The following JAKMIP1 variants were observed in gnomAD, a reference collection of about 807,000 sequenced individuals.
The protein encoded by JAKMIP1 is janus kinase and microtubule-interacting protein 1.
Under a neutral mutation model 113.0 loss-of-function variants are expected in JAKMIP1, and 33 were observed. The ratio of observed to expected loss-of-function variants is 0.29; its 90% CI spans 0.22 to 0.39. The LOEUF is 0.39. Among genes scored for constraint, JAKMIP1 ranks in the 10% least tolerant of loss-of-function variants. JAKMIP1 has a pLI of 1.00. For missense variants in JAKMIP1, 813 were observed against 1,080.5 expected (o/e 0.75, Z 3.47); for synonymous variants, 480 against 459.9 (o/e 1.04, Z -0.56).
In JAKMIP1 at chr4:6,036,041, C is replaced by T. The variant is rs1444763337; in HGVS notation, c.2242G>A (p.Glu748Lys). ...LQQEPGRRAG[E>K]ALSEGQREDL... The stretch of plus-strand genomic sequence containing the variant: ...TCCCGCTGGCCCTCGCTCAGCGCCT[C>T]ACCGGCCCTCCGCCCCGGCTCCTGC... Residue 748 changes from glutamate (E) to lysine (K), a missense_variant, in exon 19 of 21, where the codon GAG becomes AAG. By Grantham distance (56) the Glu-to-Lys change is moderately conservative (BLOSUM62 1). This residue lies in a region of JAKMIP1 where 273 missense variants were observed against 426.6 expected (regional missense o/e 0.64). Coordinates refer to ENST00000409021, the MANE Select transcript of JAKMIP1 (RefSeq NM_001099433.2). The T allele has an allele frequency of 1.3e-6, 2 of 1,555,092 alleles. No homozygotes were observed. Among genetic ancestry groups the T allele is most frequent in the Non-Finnish European group, 8.7e-7 (1 of 1,148,948 alleles).
In JAKMIP1 at chr4:6,150,853, T is replaced by C. The variant is rs148939498; in HGVS notation, c.-147-37856A>G. On this transcript the variant is annotated intron_variant, in intron 1 of 20. Transcript: ENST00000409021. This position sits in a 1 kb window ranked among gnomAD's most constrained non-coding sequence, Gnocchi z 4.8. ...CCACTTGAGCAAGACAGTAATAATG[T>C]CTGCCACCGGAAGACACCCAGTGCA... 7.8e-3 allele frequency among the ~76,000 whole-genome samples: 1,191 copies of C among 152,274 alleles called. 20 individuals are homozygous for C. Among genetic ancestry groups the C allele is most frequent in the African/African-American group, 0.027 (1,117 of 41,534 alleles).
In JAKMIP1 at chr4:6,139,981, G is replaced by C. The variant is rs540082393; in HGVS notation, c.-147-26984C>G. Among the ~76,000 whole-genome samples the C allele has an allele frequency of 8.1e-4, 124 of 152,196 alleles. 1 individual carries two copies. Among genetic ancestry groups the C allele is most frequent in the Middle Eastern group, 3.4e-3 (1 of 294 alleles). ...CGCAGCCTCAGATGGGGTCAACCCT[G>C]CCCACGCCTGGATCTCAGACTTCCA... is the stretch of plus-strand genomic sequence containing the variant. On this transcript the variant is annotated intron_variant, in intron 1 of 20. Transcript: ENST00000409021. This position sits in a 1 kb window ranked among gnomAD's most constrained non-coding sequence, Gnocchi z 5.2.
At chr4:6,148,827 A>G (rs1721200955) in intron 1 of JAKMIP1, among the ~76,000 whole-genome samples, 1 of 152,384 alleles carries the variant, frequency 6.6e-6, no homozygotes, top group African/African-American at 2.4e-5. Context: ...CTGGCCTAGA[A>G]GAAGCCCCCG....
rs987066763 is a variant in JAKMIP1, at chr4:6,167,310, C to T, written c.-148+32943G>A. Reference sequence around the variant, plus strand: ...GGACTTCATCTTTCATGTGGCTCCTCCTCCCCCTGACAGTGGCCCTTGTCT... The same window carrying T: ...GGACTTCATCTTTCATGTGGCTCCTTCTCCCCCTGACAGTGGCCCTTGTCT... On this transcript the variant is annotated intron_variant, in intron 1 of 20. Coordinates refer to ENST00000409021, the MANE Select transcript of JAKMIP1 (RefSeq NM_001099433.2). This position sits in a 1 kb window ranked among gnomAD's most constrained non-coding sequence, Gnocchi z 5.3. Among the ~76,000 whole-genome samples the T allele has an allele frequency of 6.6e-6, 1 of 152,034 alleles. No homozygotes were observed. Among genetic ancestry groups the T allele is most frequent in the African/African-American group, 2.4e-5 (1 of 41,406 alleles).
intron 1 of JAKMIP1, among the ~76,000 whole-genome samples, chr4:6,161,145 C>T (rs1401654122): frequency 2.7e-5 from 4 of 149,454 alleles, no homozygotes; most frequent in Admixed American, 2.7e-4. Flanking sequence ...CACTCACCTC[C>T]CCTGATCTCC....
chr4:6,197,929 G>A lies in JAKMIP1; in HGVS notation c.-148+2324C>T, dbSNP rs1354726675. On this transcript the variant is annotated intron_variant, in intron 1 of 20. Coordinates refer to ENST00000409021, the MANE Select transcript of JAKMIP1 (RefSeq NM_001099433.2). The surrounding 1 kb of genome is among the most constrained non-coding windows in gnomAD (Gnocchi z 6.5). ...CCACCCTTACACACCAAGAGAGTGG[G>A]GCCACGGTCCTGCCACTTCCTCGTG... 6.6e-6 allele frequency among the ~76,000 whole-genome samples: 1 copy of A among 152,194 alleles called. No homozygotes were observed. The highest frequency in any genetic ancestry group is 1.5e-5 in the Non-Finnish European group (1 of 68,044).
chr4:6,134,747 T>A (rs1203142672), intron 1 of JAKMIP1, among the ~76,000 whole-genome samples: 1 of 152,140 alleles, frequency 6.6e-6, no homozygotes, highest in Non-Finnish European at 1.5e-5. Flanking sequence ...ACTCAATCTG[T>A]CCACACGATG....
intron 18 of JAKMIP1, among the ~76,000 whole-genome samples, chr4:6,038,359 G>T (rs56952769): frequency 2.4e-5 from 3 of 125,176 alleles, no homozygotes; most frequent in African/African-American, 1.1e-4. Context: ...TAACCCAGTA[G>T]CCCTCCGTCA....
At chr4:6,105,430 G>A in intron 3 of JAKMIP1, 43 bp downstream of exon 3, 2 of 1,528,520 alleles carry the variant, frequency 1.3e-6, no homozygotes, top group Non-Finnish European at 1.8e-6. Flanking sequence ...GTGCAGGGAG[G>A]GAAGGCCGCG....
chr4:6,084,762 C>A, intron 5 of JAKMIP1, 84 bp downstream of exon 5: 1 of 1,393,658 alleles, frequency 7.2e-7, no homozygotes, highest in Non-Finnish European at 9.5e-7. Flanking sequence ...TCTGCATTAA[C>A]TTTCTGTGCA....
intron 16 of JAKMIP1, among the ~76,000 whole-genome samples, chr4:6,048,210 A>C (rs1056887498): frequency 2.6e-5 from 4 of 152,250 alleles, no homozygotes; most frequent in Non-Finnish European, 5.9e-5. Context: ...ATAAATCAAC[A>C]ACGTGTAAGG....
In JAKMIP1 at chr4:6,064,245, T is replaced by C. The variant is rs1717726230; in HGVS notation, c.1431+635A>G. Among the ~76,000 whole-genome samples, 1 of 152,226 alleles carries C rather than the reference T, an allele frequency of 6.6e-6. No individual in the cohort carries two copies. The highest frequency in any genetic ancestry group is 2.1e-4 in the South Asian group (1 of 4,834). ...AAGCCCACAAGGTCTGCCTGAGATG[T>C]AATCAGCACTCCTGAAAGAATTCAC... On this transcript the variant is annotated intron_variant, in intron 9 of 20. Transcript: ENST00000409021. This position sits in a 1 kb window ranked among gnomAD's most constrained non-coding sequence, Gnocchi z 4.3.
Position 6,139,770 on chromosome 4 carries a change from TATAAA to T in JAKMIP1, c.-147-26778_-147-26774del, listed in dbSNP as rs74997830. 0.79 allele frequency among the ~76,000 whole-genome samples: 116,761 copies of T among 147,858 alleles called. 46,484 individuals carry two copies. The highest frequency in any genetic ancestry group is 0.96 in the East Asian group (4,749 of 4,970). On this transcript the variant is annotated intron_variant, in intron 1 of 20. Transcript: ENST00000409021. This position sits in a 1 kb window ranked among gnomAD's most constrained non-coding sequence, Gnocchi z 5.2. ...GACAGAGTGAGACTCCATCTCAAAA[TATAAA>T]ATAAAATAAAATAAAATAAAATAAA...
chr4:6,049,999 G>C lies in JAKMIP1; in HGVS notation c.1909-127C>G. ...TTCTTTTCTTTTCTGGCCAAGTTTT[G>C]CGCCCAGCCGTTCCTCTGGGGAGTG... On this transcript the variant is annotated intron_variant, in intron 14 of 20. Transcript: ENST00000409021. The surrounding 1 kb of genome is among the most constrained non-coding windows in gnomAD (Gnocchi z 7.0). 1 of 671,808 alleles carries C rather than the reference G, an allele frequency of 1.5e-6. No individual in the cohort carries two copies. The highest frequency in any genetic ancestry group is 2.6e-6 in the Non-Finnish European group (1 of 381,490). The allele number at this position is 671,808 out of a possible 1,614,324, so 41.6% of individuals were successfully genotyped here.
intron 3 of JAKMIP1, 143 bp downstream of exon 3, chr4:6,105,330 C>T (rs2108873835): frequency 1.4e-6 from 1 of 714,202 alleles, no homozygotes; most frequent in East Asian, 2.7e-5. Flanking sequence ...CTTACCACAC[C>T]TAAGACGGGA....
At chr4:6,084,530 GT>G (rs1275031013) in intron 5 of JAKMIP1, among the ~76,000 whole-genome samples, 11 of 151,928 alleles carry the variant, frequency 7.2e-5, no homozygotes, top group African/African-American at 2.7e-4. Flanking sequence ...GAACAATTGG[GT>G]TTTTTGGTTT....
In JAKMIP1 at chr4:6,139,853, G is replaced by A. The variant is rs754043569; in HGVS notation, c.-147-26856C>T. On this transcript the variant is annotated intron_variant, in intron 1 of 20. Coordinates refer to ENST00000409021, the MANE Select transcript of JAKMIP1 (RefSeq NM_001099433.2). The surrounding 1 kb of genome is among the most constrained non-coding windows in gnomAD (Gnocchi z 5.2). ...GAGACAAAGGAGAACACCATGTGAC[G>A]ACGAAGGAGGAGGTCACGGGGCAGA... is the stretch of plus-strand genomic sequence containing the variant. Among the ~76,000 whole-genome samples the A allele has an allele frequency of 2.0e-5, 3 of 152,044 alleles. No individual in the cohort carries two copies. Among genetic ancestry groups the A allele is most frequent in the African/African-American group, 2.4e-5 (1 of 41,380 alleles).
intron 1 of JAKMIP1, among the ~76,000 whole-genome samples, chr4:6,182,420 AAAAAAAGAAAG>A (rs1302514817): frequency 1.3e-5 from 2 of 149,382 alleles, no homozygotes; most frequent in Non-Finnish European, 3.0e-5. Context: ...GAAAAAAAAA[AAAAAAAGAAAG>A]AAAGAAAGAA....
chr4:6,080,550 G>A lies in JAKMIP1; in HGVS notation c.1102-238C>T, dbSNP rs375903177. On this transcript the variant is annotated intron_variant, in intron 6 of 20. Coordinates refer to ENST00000409021, the MANE Select transcript of JAKMIP1 (RefSeq NM_001099433.2). The surrounding 1 kb of genome is among the most constrained non-coding windows in gnomAD (Gnocchi z 6.0). ...TGGGAGATCATTGAATCATGGTGGC[G>A]GTTTCTCTCATACTATTCTCGTGGT... Among the ~76,000 whole-genome samples, 7 of 152,040 alleles carry A rather than the reference G, an allele frequency of 4.6e-5. No individual in the cohort carries two copies. The highest frequency in any genetic ancestry group is 1.5e-5 in the Non-Finnish European group (1 of 67,988).
Sources: allele counts gnomAD v4.1 joint callset (sites outside exome capture counted in the v4.1 genomes callset), GRCh38; gene constraint gnomAD v4.1.1; regional missense constraint gnomAD v4.1.1; non-coding constraint Gnocchi (gnomAD v3.1); transcripts MANE v1.5; gene names NCBI Gene and HGNC (gene_info 2026-07-23, HGNC 2026-07-21).